RANBP10: variants seen among roughly 807,000 people sequenced by gnomAD.
The protein encoded by RANBP10 is RAN binding protein 10, also known as ran-binding protein 10.
Under a neutral mutation model 72.8 loss-of-function variants are expected in RANBP10, and 24 were observed. The observed-to-expected ratio is 0.33, with a 90% CI of 0.24 to 0.46. The LOEUF is 0.46. RANBP10 is among the 20% of genes least tolerant of loss of function. RANBP10 has a pLI of 1.00. For synonymous variants in RANBP10, 310 were observed against 322.3 expected (o/e 0.96, Z 0.41); for missense variants, 679 against 817.5 (o/e 0.83, Z 2.07).
intron 6 of RANBP10, 108 bp from the exon 7 acceptor site, chr16:67,731,692 C>A: frequency 1.4e-6 from 1 of 727,432 alleles, no homozygotes; most frequent in South Asian, 1.8e-5. Flanking sequence ...CTAAACACGT[C>A]CTGGAGGTGT....
At position 67,731,602 on chromosome 16, in the gene RANBP10, C is replaced by A; in HGVS notation, c.777-18G>T. 1 of 1,586,484 alleles carries A rather than the reference C, an allele frequency of 6.3e-7. No homozygotes were observed. The highest frequency in any genetic ancestry group is 8.6e-7 in the Non-Finnish European group (1 of 1,157,026). ...AAACCATGCTAGAAGAAAGGAAGAGCTTCAGGTGACACTCAAGAACTGCAC... is the reference window on the plus strand; with the variant it reads ...AAACCATGCTAGAAGAAAGGAAGAGATTCAGGTGACACTCAAGAACTGCAC... On this transcript the variant is annotated intron_variant, in intron 6 of 13. Transcript: ENST00000317506.
At chr16:67,754,912 T>C (rs1347014431) in intron 3 of RANBP10, among the ~76,000 whole-genome samples, 1 of 152,114 alleles carries the variant, frequency 6.6e-6, no homozygotes, top group Non-Finnish European at 1.5e-5. Context: ...TGTCTACTTG[T>C]AGGAAACATT....
Position 67,728,449 on chromosome 16 carries a change from G to A in RANBP10, c.1415C>T (p.Thr472Ile). 6.2e-7 allele frequency: 1 copy of A among 1,614,204 alleles called. No individual in the cohort carries two copies. Among genetic ancestry groups the A allele is most frequent in the Non-Finnish European group, 8.5e-7 (1 of 1,180,038 alleles). Residue 472 changes from threonine (T) to isoleucine (I), a missense_variant, in exon 11 of 14, where the codon ACA (threonine) becomes ATA (isoleucine). Physicochemically the swap from Thr to Ile is moderately conservative, Grantham distance 89. Coordinates refer to ENST00000317506, the MANE Select transcript of RANBP10 (RefSeq NM_020850.3). ...CTTGTAGGCACCATTAACAATGCGT[G>A]TGGACATGCTTCCTAGCACACCGTT... ...YPNGVLGSMS[T>I]RIVNGAYKHE...
At chr16:67,765,400 C>T (rs2054482384) in intron 3 of RANBP10, among the ~76,000 whole-genome samples, 1 of 151,894 alleles carries the variant, frequency 6.6e-6, no homozygotes, top group African/African-American at 2.4e-5. Flanking sequence ...GTGGTGCGTG[C>T]TTGTAATCCC....
rs1291933862 is a variant in RANBP10, at chr16:67,729,228, C to T, written c.1352+52G>A. 1.3e-6 allele frequency: 2 copies of T among 1,594,426 alleles called. No individual in the cohort carries two copies. Among genetic ancestry groups the T allele is most frequent in the Non-Finnish European group, 8.5e-7 (1 of 1,169,792 alleles). Reference sequence around the variant, plus strand: ...CGCTCAAAGGACAGACTGCAATGGGCCCAGCTGGCATAAGGCAGAAGGCAG... The same window carrying T: ...CGCTCAAAGGACAGACTGCAATGGGTCCAGCTGGCATAAGGCAGAAGGCAG... On this transcript the variant is annotated intron_variant, in intron 10 of 13. Coordinates refer to ENST00000317506, the MANE Select transcript of RANBP10 (RefSeq NM_020850.3). The surrounding 1 kb of genome is among the most constrained non-coding windows in gnomAD (Gnocchi z 7.1).
intron 2 of RANBP10, among the ~76,000 whole-genome samples, chr16:67,795,860 TA>T (rs1484197078): frequency 8.8e-5 from 13 of 147,950 alleles, no homozygotes; most frequent in Admixed American, 2.7e-4. Flanking sequence ...GTCTCAAAAA[TA>T]AACAAACAAA....
chr16:67,787,569 T>C (rs1188884632), intron 2 of RANBP10, among the ~76,000 whole-genome samples: 1 of 152,156 alleles, frequency 6.6e-6, no homozygotes, highest in African/African-American at 2.4e-5. Flanking sequence ...TCAAACACTA[T>C]GTACACCAAT....
At chr16:67,806,197 G>C (rs895295557) in intron 1 of RANBP10, 105 bp downstream of exon 1, 1 of 1,129,740 alleles carries the variant, frequency 8.9e-7, no homozygotes, top group African/African-American at 1.6e-5. Flanking sequence ...GCCCTAACTT[G>C]GAGCACCTAG....
chr16:67,742,394 CAAGT>C (rs1226450501), intron 4 of RANBP10, among the ~76,000 whole-genome samples: 1 of 152,032 alleles, frequency 6.6e-6, no homozygotes, highest in African/African-American at 2.4e-5. Context: ...TGAGATACAA[CAAGT>C]AAGAACACAG....
chr16:67,781,027 T>C (rs747827619), intron 2 of RANBP10, among the ~76,000 whole-genome samples: 1 of 152,254 alleles, frequency 6.6e-6, no homozygotes, highest in Non-Finnish European at 1.5e-5. Flanking sequence ...CCCACTGGCA[T>C]GTCCCATGTG....
rs112346706 is a variant in RANBP10 at position 67,752,428 on chromosome 16, G to A, written c.401-7973C>T. On this transcript the variant is annotated intron_variant, in intron 3 of 13. Transcript: ENST00000317506. ...CTCCCCTAGGGCCTCCAGAAAGAAC[G>A]CAGCCCTGCCAATATCTGGATTTTA... 2.9e-3 allele frequency among the ~76,000 whole-genome samples: 440 copies of A among 152,200 alleles called. 4 individuals are homozygous for A. The highest frequency in any genetic ancestry group is 0.01 in the African/African-American group (422 of 41,518).
chr16:67,772,068 G>C lies in RANBP10; in HGVS notation c.366C>G (p.Leu122=). Residue 122 remains leucine (L), a synonymous_variant, in exon 3 of 14, where the codon CTC becomes CTG. Transcript: ENST00000317506. ...TGTTCATGTTGACGCCTTGAGCCGA[G>C]AGTCCTATTCCCATGTAACTTCAAA... The part of the protein sequence containing the change: ...KGRDGYMGIG[L]SAQGVNMNRL... 6.5e-7 allele frequency: 1 copy of C among 1,533,576 alleles called. No homozygotes were observed. Among genetic ancestry groups the C allele is most frequent in the Non-Finnish European group, 8.9e-7 (1 of 1,123,138 alleles). The allele number at this position is 1,533,576 out of a possible 1,614,324, so 95.0% of individuals were successfully genotyped here.
chr16:67,806,001 A>G (rs1271812933), intron 1 of RANBP10, among the ~76,000 whole-genome samples: 1 of 152,220 alleles, frequency 6.6e-6, no homozygotes, highest in Non-Finnish European at 1.5e-5. Context: ...GCAGTGGCGA[A>G]AGGTCCCGCT....
chr16:67,728,014 TG>T (rs953981057), intron 11 of RANBP10, 118 bp from the exon 12 acceptor site: 3 of 1,142,932 alleles, frequency 2.6e-6, no homozygotes, highest in African/African-American at 3.1e-5. Context: ...CAGGCAGGGC[TG>T]GGAGGAACAG....
At chr16:67,795,512 C>A (rs1252160520) in intron 2 of RANBP10, among the ~76,000 whole-genome samples, 1 of 151,882 alleles carries the variant, frequency 6.6e-6, no homozygotes, top group Non-Finnish European at 1.5e-5. Flanking sequence ...GTACTCCAGC[C>A]TGGGCAACAA....
At chr16:67,789,825 G>A (rs544751943) in intron 2 of RANBP10, among the ~76,000 whole-genome samples, 28 of 151,780 alleles carry the variant, frequency 1.8e-4, no homozygotes, top group Non-Finnish European at 3.7e-4. Context: ...TGGACTGGGC[G>A]CAGTGGCTCA....
chr16:67,800,053 G>A (rs1255528832), intron 2 of RANBP10, among the ~76,000 whole-genome samples: 4 of 152,018 alleles, frequency 2.6e-5, no homozygotes, highest in East Asian at 1.9e-4. Context: ...CCCAGGAGGC[G>A]GAGGTTTGCA....
chr16:67,783,748 C>T (rs2054856040), intron 2 of RANBP10, among the ~76,000 whole-genome samples: 1 of 152,050 alleles, frequency 6.6e-6, no homozygotes, highest in African/African-American at 2.4e-5. Context: ...CAAAAAGCCA[C>T]TAAGAAGACA....
intron 3 of RANBP10, among the ~76,000 whole-genome samples, chr16:67,757,434 A>T (rs1013091603): frequency 2.0e-5 from 3 of 152,162 alleles, no homozygotes; most frequent in Admixed American, 2.0e-4. Context: ...AGTGGCTCTC[A>T]GAATGTCACT....
Sources: gnomAD v4.1 joint callset for allele counts (sites outside exome capture counted in the v4.1 genomes callset) on GRCh38, gnomAD v4.1.1 for gene constraint, Gnocchi (gnomAD v3.1) non-coding constraint, MANE v1.5 for transcripts, NCBI Gene and HGNC (gene_info 2026-07-23, HGNC 2026-07-21) for gene names.